Variants in DCAF6 observed in about 807,000 individuals in gnomAD.
DCAF6 encodes DDB1- and CUL4-associated factor 6.
A neutral mutation model predicts 125.1 loss-of-function variants in DCAF6; 54 were observed. That is an observed-to-expected ratio of 0.43 (90% CI 0.35 to 0.54). The LOEUF (loss-of-function observed/expected upper bound fraction) is 0.54. Among genes scored for constraint, DCAF6 ranks in the 20% least tolerant of loss-of-function variants. The pLI is 0.01. For missense variants in DCAF6, 934 were observed against 1,161.7 expected (o/e 0.80, Z 2.85); for synonymous variants, 371 against 390.4 (o/e 0.95, Z 0.58).
chr1:168,015,677 ATG>A (rs1684872354), intron 10 of DCAF6, 102 bp from the exon 11 acceptor site: 1 of 1,010,588 alleles, frequency 9.9e-7, no homozygotes, highest in Non-Finnish European at 1.4e-6. Flanking sequence ...TCTATGAGAC[ATG>A]TGTTTTGTTT....
chr1:168,043,732 G>C (rs1688827132), intron 14 of DCAF6, among the ~76,000 whole-genome samples: 1 of 152,100 alleles, frequency 6.6e-6, no homozygotes, highest in Non-Finnish European at 1.5e-5. Flanking sequence ...GTATAACAGA[G>C]TTTAAAATTA....
At chr1:167,910,426 C>T in the DCAF6 span, among the ~76,000 whole-genome samples, 1 of 152,150 alleles carries the variant, frequency 6.6e-6, no homozygotes, top group Non-Finnish European at 1.5e-5. Flanking sequence ...TTGTAGTTGT[C>T]TTCAAATATT....
At position 167,981,849 on chromosome 1, in the gene DCAF6, G is replaced by A. The variant is rs151079311; in HGVS notation, c.439-5646G>A. 2.1e-3 allele frequency among the ~76,000 whole-genome samples: 317 copies of A among 152,320 alleles called. 2 individuals carry two copies. Among genetic ancestry groups the A allele is most frequent in the African/African-American group, 7.1e-3 (296 of 41,574 alleles). On this transcript the variant is annotated intron_variant, in intron 4 of 21. Coordinates refer to ENST00000367840, the MANE Select transcript of DCAF6 (RefSeq NM_001198956.2). ...TGCTGCGATGAACATGTGAGTGCAT[G>A]TGTCTTTTTGGTAGAACAATTTGTT...
intron 12 of DCAF6, among the ~76,000 whole-genome samples, chr1:168,027,956 C>T (rs563374428): frequency 1.3e-5 from 2 of 152,144 alleles, no homozygotes; most frequent in South Asian, 4.2e-4. Context: ...GTATAACATG[C>T]ACATTGTTAT....
intron 16 of DCAF6, 112 bp from the exon 17 acceptor site, chr1:168,050,779 GT>G (rs546139612): frequency 6.6e-5 from 36 of 547,002 alleles, no homozygotes; most frequent in South Asian, 3.3e-4. Context: ...GGAAACAAAA[GT>G]TTTTTTTTAA....
At chr1:168,065,081 C>G (rs1386139456) in intron 18 of DCAF6, among the ~76,000 whole-genome samples, 1 of 152,158 alleles carries the variant, frequency 6.6e-6, no homozygotes, top group South Asian at 2.1e-4. Context: ...AGTTCAGCAA[C>G]ATATATGTAA....
intron 2 of DCAF6, among the ~76,000 whole-genome samples, chr1:167,953,698 C>T (rs1674335274): frequency 6.6e-6 from 1 of 152,050 alleles, no homozygotes; most frequent in South Asian, 2.1e-4. Context: ...CTCCCGGGTT[C>T]AAGCAGTTCT....
Position 168,044,936 on chromosome 1 carries a change from C to G in DCAF6, c.1967C>G (p.Ser656Cys). 1 of 1,614,036 alleles carries G rather than the reference C, an allele frequency of 6.2e-7. No homozygotes were observed. Among genetic ancestry groups the G allele is most frequent in the East Asian group, 2.2e-5 (1 of 44,886 alleles). Residue 656 changes from serine to cysteine, a missense_variant, in exon 16 of 22, where the codon TCC becomes TGC. Ser to Cys is a moderately radical substitution (Grantham distance 112). Coordinates refer to ENST00000367840, the MANE Select transcript of DCAF6 (RefSeq NM_001198956.2). The stretch of plus-strand genomic sequence containing the variant: ...AAGTTCACAGCCAAGCCATTGGATT[C>G]CAACTCAGGAGAAAGAAATGACCTC... ...SDKFTAKPLD[S>C]NSGERNDLNL...
the DCAF6 span, among the ~76,000 whole-genome samples, chr1:167,913,444 G>C: frequency 2.0e-5 from 3 of 152,218 alleles, no homozygotes; most frequent in Admixed American, 6.5e-5. Context: ...AGTGTTACCT[G>C]TCATGAAAGC....
intron 11 of DCAF6, among the ~76,000 whole-genome samples, chr1:168,016,943 A>C (rs1258190138): frequency 6.6e-6 from 1 of 152,106 alleles, no homozygotes; most frequent in Non-Finnish European, 1.5e-5. Context: ...AGAATTGGAC[A>C]ACCTGCACTT....
At chr1:167,910,294 G>A in the DCAF6 span, among the ~76,000 whole-genome samples, 1 of 152,208 alleles carries the variant, frequency 6.6e-6, no homozygotes, top group Non-Finnish European at 1.5e-5. Context: ...ACATAAAAGT[G>A]TTCAAATCTA....
the DCAF6 span, among the ~76,000 whole-genome samples, chr1:167,925,442 C>CGTATATATATATATATATATAT: frequency 1.2e-5 from 1 of 82,476 alleles, no homozygotes; most frequent in Non-Finnish European, 2.3e-5. Context: ...TACATATACA[C>CGTATATATATATATATATATAT]ATATATATAT....
At chr1:167,993,562 C>A in intron 7 of DCAF6, 122 bp downstream of exon 7, 2 of 709,736 alleles carry the variant, frequency 2.8e-6, no homozygotes, top group Non-Finnish European at 2.4e-6. Context: ...CCAGCCTGAC[C>A]AACATGGAGA....
At chr1:167,865,940 C>CCTGTGGGT in the DCAF6 span, among the ~76,000 whole-genome samples, 3 of 152,198 alleles carry the variant, frequency 2.0e-5, no homozygotes, top group Non-Finnish European at 4.4e-5. Context: ...CTCTGCTATC[C>CCTGTGGGT]CTGTGGGTCA....
At position 168,003,870 on chromosome 1, in the gene DCAF6, G is replaced by A; in HGVS notation, c.998G>A (p.Gly333Glu). 1 of 1,609,648 alleles carries A rather than the reference G, an allele frequency of 6.2e-7. No individual in the cohort carries two copies. The highest frequency in any genetic ancestry group is 8.5e-7 in the Non-Finnish European group (1 of 1,178,292). Reference sequence around the variant, plus strand: ...ACTGATAAGACCTATATTGTAATAGGAGAGCAGAGTCCCAATGTGTCATTG... The same window carrying A: ...ACTGATAAGACCTATATTGTAATAGAAGAGCAGAGTCCCAATGTGTCATTG... Reference protein sequence around the residue: ...ARPESERERDGEQSPNVSLMQ... With the variant: ...ARPESERERDEEQSPNVSLMQ... The change falls in exon 9 of 22, where the codon GGA becomes GAA. Residue 333 changes from glycine to glutamate, a missense_variant and splice_region_variant. By Grantham distance (98) the Gly-to-Glu change is moderately conservative. Transcript: ENST00000367840.
intron 13 of DCAF6, 27 bp from the exon 14 acceptor site, chr1:168,042,998 G>C: frequency 6.6e-7 from 1 of 1,506,404 alleles, no homozygotes; most frequent in Non-Finnish European, 9.2e-7. Context: ...CTTCTTGGTG[G>C]AATCACTTAT....
intron 4 of DCAF6, among the ~76,000 whole-genome samples, chr1:167,976,582 T>C (rs1204935109): frequency 6.6e-6 from 1 of 152,244 alleles, no homozygotes; most frequent in Non-Finnish European, 1.5e-5. Context: ...TTTTTGTTAT[T>C]CTGGAGGTTA....
the DCAF6 span, chr1:167,880,134 A>G: frequency 1.2e-6 from 2 of 1,612,998 alleles, no homozygotes; most frequent in Non-Finnish European, 1.7e-6. Flanking sequence ...CGTGTCTCAC[A>G]GTGTGTCCAA....
chr1:167,924,496 C>G, the DCAF6 span: 2 of 1,590,510 alleles, frequency 1.3e-6, no homozygotes. Context: ...TCAAGACTTA[C>G]CCATTTCATA....
Sources: allele counts gnomAD v4.1 joint callset (sites outside exome capture counted in the v4.1 genomes callset), GRCh38; gene constraint gnomAD v4.1.1; transcripts MANE v1.5; gene names NCBI Gene and HGNC (gene_info 2026-07-23, HGNC 2026-07-21).